MX2: variants seen among roughly 807,000 people sequenced by gnomAD.
MX2 encodes the protein MX dynamin like GTPase 2, also known as interferon-induced GTP-binding protein Mx2.
MX2 carries 51 observed loss-of-function variants against 74.0 expected under a neutral mutation model. The observed-to-expected ratio is 0.69, with a 90% confidence interval of 0.55 to 0.87. The LOEUF is 0.87. Among genes scored for constraint, MX2 ranks in the 40% least tolerant of loss-of-function variants. The probability of loss-of-function intolerance (pLI) is 0.00; values close to 1 mark genes in which losing one functional copy is unlikely to be tolerated. For synonymous variants in MX2, 369 were observed against 339.3 expected, an observed-to-expected ratio of 1.09 and a Z score of -0.96; for missense variants, 832 against 908.7, an observed-to-expected ratio of 0.92 and a Z score of 1.09.
intron 1 of MX2, among the ~76,000 whole-genome samples, chr21:41,375,014 TC>T: frequency 6.6e-6 from 1 of 152,308 alleles, no homozygotes; most frequent in African/African-American, 2.4e-5. Flanking sequence ...CTGACCATCT[TC>T]CTATTCCCTG....
Position 41,380,560 on chromosome 21 carries a change from G to C in MX2, c.577+409G>C, listed in dbSNP as rs2089476115. Among the ~76,000 whole-genome samples, 1 of 152,086 alleles carries C rather than the reference G, an allele frequency of 6.6e-6. No individual in the cohort carries two copies. The highest frequency in any genetic ancestry group is 1.9e-4 in the East Asian group (1 of 5,176). ...CACCTGCGCCCCCTTTGGAAATGCT[G>C]CTGCAGGACCCCTGGTCCCACCCCA... On this transcript the variant is annotated intron_variant, in intron 4 of 13. Coordinates refer to ENST00000330714, the MANE Select transcript of MX2 (RefSeq NM_002463.2). This position sits in a 1 kb window ranked among gnomAD's most constrained non-coding sequence, Gnocchi z 4.3.
chr21:41,365,618 C>T (rs2089258740), intron 1 of MX2: 1 of 152,122 alleles, frequency 6.6e-6, no homozygotes, highest in Non-Finnish European at 1.5e-5. Context: ...GCTTTTTTAT[C>T]CAGTCTACCA....
chr21:41,374,229 T>C (rs375501), intron 1 of MX2: 130,389 of 152,438 alleles, frequency 0.86, 56,281 homozygotes, highest in East Asian at 0.99. Flanking sequence ...GCACATGCTC[T>C]GGGTCCCCGG....
In MX2 at chr21:41,402,052, G is replaced by C; in HGVS notation, c.1497G>C (p.Lys499Asn). ...AGCTTCTGGGATTTGTCAACTACAA[G>C]ACATTTGAGATCATCGTGCATCAGT... ...GKELLGFVNY[K>N]TFEIIVHQYI... The change falls in exon 11 of 14, where the codon AAG becomes AAC. Residue 499 changes from lysine (K) to asparagine (N), a missense_variant. Physicochemically the swap from Lys to Asn is moderately conservative, Grantham distance 94. Coordinates refer to ENST00000330714, the MANE Select transcript of MX2 (RefSeq NM_002463.2). This position sits in a 1 kb window ranked among gnomAD's most constrained non-coding sequence, Gnocchi z 4.5. The C allele has an allele frequency of 6.2e-7, 1 of 1,614,168 alleles. No homozygotes were observed. The highest frequency in any genetic ancestry group is 8.5e-7 in the Non-Finnish European group (1 of 1,180,026).
At chr21:41,390,469 T>C (rs1047827288) in intron 5 of MX2, 96 bp from the exon 6 acceptor site, 2 of 1,530,510 alleles carry the variant, frequency 1.3e-6, no homozygotes, top group Non-Finnish European at 1.8e-6. Flanking sequence ...TGGGACAATG[T>C]TGCCTTTGCG....
intron 5 of MX2, among the ~76,000 whole-genome samples, chr21:41,384,400 CA>C (rs992410027): frequency 2.3e-4 from 35 of 152,336 alleles, no homozygotes; most frequent in African/African-American, 8.4e-4. Context: ...ACAGTTTCAT[CA>C]AAAGCAAGTT....
chr21:41,397,770 G>GC, intron 8 of MX2, 79 bp downstream of exon 8: 11 of 1,242,680 alleles, frequency 8.9e-6, no homozygotes, highest in Non-Finnish European at 1.2e-5. Context: ...TGGCTAAGAT[G>GC]CCCCACTGAT....
chr21:41,384,184 T>C (rs948137086), intron 5 of MX2, among the ~76,000 whole-genome samples: 3 of 152,204 alleles, frequency 2.0e-5, no homozygotes, highest in Non-Finnish European at 4.4e-5. Context: ...TGAGGTCTCC[T>C]AGCCATGCTT....
Position 41,402,072 on chromosome 21 carries a change from A to G in MX2, c.1517A>G (p.His506Arg), listed in dbSNP as rs761695325. 1.9e-6 allele frequency: 3 copies of G among 1,614,212 alleles called. No individual in the cohort carries two copies. Among genetic ancestry groups the G allele is most frequent in the Non-Finnish European group, 8.5e-7 (1 of 1,180,040 alleles). ...TACAAGACATTTGAGATCATCGTGC[A>G]TCAGTACATCCAGCAGCTGGTGGAG... ...VNYKTFEIIVHQYIQQLVEPA... is the reference protein window; with the variant it reads ...VNYKTFEIIVRQYIQQLVEPA... Residue 506 changes from histidine to arginine, a missense_variant, in exon 11 of 14, where the codon CAT becomes CGT. Physicochemically the swap from His to Arg is conservative, Grantham distance 29. Coordinates refer to ENST00000330714, the MANE Select transcript of MX2 (RefSeq NM_002463.2). This position sits in a 1 kb window ranked among gnomAD's most constrained non-coding sequence, Gnocchi z 4.5.
In MX2 at chr21:41,401,779, T is replaced by TC. The variant is rs2089817856; in HGVS notation, c.1415-186dup. ...ACATTTTCATAGAATAAGATTTTTT[T>TC]CCCCCAAAAGTCAGTATTTCTTAAA... On this transcript the variant is annotated intron_variant, in intron 10 of 13. Coordinates refer to ENST00000330714, the MANE Select transcript of MX2 (RefSeq NM_002463.2). The TC allele has an allele frequency of 1.2e-4, 65 of 539,636 alleles. 1 individual carries two copies. In the South Asian group the frequency reaches 2.0e-3, roughly 16 times the overall value. 33.4% of individuals were successfully genotyped at this position (539,636 alleles called of 1,614,324 possible).
intron 1 of MX2, among the ~76,000 whole-genome samples, chr21:41,371,506 G>A (rs188372795): frequency 1.3e-5 from 2 of 152,276 alleles, no homozygotes; most frequent in Non-Finnish European, 1.5e-5. Flanking sequence ...ATTTCCTCTG[G>A]CTGGCATTTC....
At chr21:41,407,888 C>T in intron 13 of MX2, 103 bp from the exon 14 acceptor site, 1 of 1,494,320 alleles carries the variant, frequency 6.7e-7, no homozygotes, top group Non-Finnish European at 9.1e-7. Context: ...CAGGGCTTCG[C>T]CAGGCAACCA....
chr21:41,378,451 C>T (rs2089444283), intron 3 of MX2, among the ~76,000 whole-genome samples: 1 of 152,218 alleles, frequency 6.6e-6, no homozygotes, highest in Non-Finnish European at 1.5e-5. Flanking sequence ...GGGACCTTGC[C>T]ACCTCTTCCT....
intron 12 of MX2, among the ~76,000 whole-genome samples, chr21:41,406,308 G>T (rs570206194): frequency 8.5e-5 from 13 of 152,316 alleles, no homozygotes; most frequent in African/African-American, 3.1e-4. Context: ...TTCCTTGACT[G>T]CATGGGTGAT....
In MX2 at chr21:41,385,162, C is replaced by T. The variant is rs140115484; in HGVS notation, c.732+2598C>T. Among the ~76,000 whole-genome samples the T allele has an allele frequency of 2.1e-3, 318 of 152,298 alleles. 1 individual carries two copies. The highest frequency in any genetic ancestry group is 1.2e-3 in the South Asian group (6 of 4,830). On this transcript the variant is annotated intron_variant, in intron 5 of 13. Coordinates refer to ENST00000330714, the MANE Select transcript of MX2 (RefSeq NM_002463.2). The stretch of plus-strand genomic sequence containing the variant: ...TCCTTTGTATTCAACACTTAGCTAA[C>T]GGGTTGGCACAAGCAGCTTAGCTTT...
chr21:41,383,876 T>G (rs558432673), intron 5 of MX2, among the ~76,000 whole-genome samples: 1 of 152,276 alleles, frequency 6.6e-6, no homozygotes, highest in East Asian at 1.9e-4. Context: ...TCCATCAAGT[T>G]ATGGGATTTC....
Position 41,366,452 on chromosome 21 carries a change from G to A in MX2, c.-72+4397G>A, listed in dbSNP as rs2089266660. Reference sequence around the variant, plus strand: ...CCAACACTTTGGGAGGCCAAGTCGGGTGGATCACCTGAGGTCAGGAGTTGG... The same window carrying A: ...CCAACACTTTGGGAGGCCAAGTCGGATGGATCACCTGAGGTCAGGAGTTGG... On this transcript the variant is annotated intron_variant, in intron 1 of 13. Coordinates refer to ENST00000330714, the MANE Select transcript of MX2 (RefSeq NM_002463.2). The surrounding 1 kb of genome is among the most constrained non-coding windows in gnomAD (Gnocchi z 4.5). The A allele has an allele frequency of 6.6e-6, 1 of 152,260 alleles. No homozygotes were observed. Among genetic ancestry groups the A allele is most frequent in the Non-Finnish European group, 1.5e-5 (1 of 68,068 alleles). 9.4% of individuals were successfully genotyped at this position (152,260 alleles called of 1,614,324 possible).
chr21:41,400,527 T>G (rs928521697), intron 10 of MX2, among the ~76,000 whole-genome samples: 1 of 152,158 alleles, frequency 6.6e-6, no homozygotes, highest in African/African-American at 2.4e-5. Flanking sequence ...TTCACACAGC[T>G]ATAAAAAACT....
chr21:41,403,118 T>C, intron 11 of MX2, 149 bp from the exon 12 acceptor site: 1 of 622,498 alleles, frequency 1.6e-6, no homozygotes, highest in Non-Finnish European at 2.9e-6. Context: ...CACCCTCTCC[T>C]ATCGCGGTTT....
Sources: gnomAD v4.1 joint callset for allele counts (sites outside exome capture counted in the v4.1 genomes callset) on GRCh38, gnomAD v4.1.1 for gene constraint, Gnocchi (gnomAD v3.1) non-coding constraint, MANE v1.5 for transcripts, NCBI Gene and HGNC (gene_info 2026-07-23, HGNC 2026-07-21) for gene names.